COLEC10: variants seen among roughly 807,000 people sequenced by gnomAD.
The protein encoded by COLEC10 is collectin subfamily member 10.
In COLEC10, 22 loss-of-function variants were observed where a neutral mutation model predicts 28.4. The ratio of observed to expected loss-of-function variants is 0.78; its 90% CI spans 0.55 to 1.11. The LOEUF (loss-of-function observed/expected upper bound fraction) is 1.11. COLEC10 is among the 50% of genes least tolerant of loss of function. The pLI is 0.00. For synonymous variants in COLEC10, 125 were observed against 116.1 expected (o/e 1.08, Z -0.49); for missense variants, 361 against 344.1 (o/e 1.05, Z -0.39).
rs565193534 is a variant in COLEC10 at position 119,067,632 on chromosome 8, T to C, written c.148+203T>C. On this transcript the variant is annotated intron_variant, in intron 1 of 5. Coordinates refer to ENST00000332843, the MANE Select transcript of COLEC10 (RefSeq NM_006438.5). ...TCCTTTGATGTTAGGTAAGAGGATG[T>C]TGGGAAGGGGAAACCCAGGACGGAG... is the stretch of plus-strand genomic sequence containing the variant. 3.6e-5 allele frequency: 18 copies of C among 501,358 alleles called. No homozygotes were observed. In the East Asian group the frequency reaches 5.2e-4, roughly 14 times the overall value. 31.1% of individuals were successfully genotyped at this position (501,358 alleles called of 1,614,324 possible). A position where few individuals can be genotyped will look rare whatever the true frequency, so the allele number is the denominator to read the frequency against.
chr8:118,964,449 T>C, the COLEC10 span, among the ~76,000 whole-genome samples: 5 of 152,178 alleles, frequency 3.3e-5, no homozygotes, highest in African/African-American at 9.7e-5. Context: ...GTATCTTGCC[T>C]GTACAATTAG....
intron 2 of COLEC10, among the ~76,000 whole-genome samples, chr8:119,031,138 A>C (rs557349778): frequency 6.6e-6 from 1 of 152,260 alleles, no homozygotes; most frequent in African/African-American, 2.4e-5. Flanking sequence ...CTAAGGGTAC[A>C]TGGAGCTTTC....
At chr8:119,065,881 A>G (rs1814946156), upstream of COLEC10, among the ~76,000 whole-genome samples, 3 of 151,896 alleles carry the variant, frequency 2.0e-5, no homozygotes, top group South Asian at 6.2e-4. Context: ...AAAAGAAAAG[A>G]AAAAGAAAAA....
chr8:119,094,674 A>G (rs1815675457), intron 3 of COLEC10, among the ~76,000 whole-genome samples: 1 of 152,192 alleles, frequency 6.6e-6, no homozygotes, highest in South Asian at 2.1e-4. Context: ...TTGAGCAGAA[A>G]GTTGCTGAAA....
intron 1 of COLEC10, among the ~76,000 whole-genome samples, chr8:119,008,777 C>T (rs1236778285): frequency 2.0e-5 from 3 of 150,800 alleles, no homozygotes; most frequent in African/African-American, 7.4e-5. Context: ...CGGTTTTTGC[C>T]ATTAAAAGTA....
At chr8:119,048,893 T>A (rs2130171419) in intron 2 of COLEC10, among the ~76,000 whole-genome samples, 1 of 152,314 alleles carries the variant, frequency 6.6e-6, no homozygotes, top group Non-Finnish European at 1.5e-5. Flanking sequence ...CAGCTGGTTG[T>A]TATGCAGGCT....
At chr8:119,090,785 C>G (rs1815575187) in intron 2 of COLEC10, among the ~76,000 whole-genome samples, 1 of 152,016 alleles carries the variant, frequency 6.6e-6, no homozygotes, top group Admixed American at 6.6e-5. Context: ...AAATAGAATT[C>G]CAGAAGGAAG....
chr8:119,066,391 C>T (rs916869762), upstream of COLEC10, among the ~76,000 whole-genome samples: 7 of 152,194 alleles, frequency 4.6e-5, no homozygotes, highest in Admixed American at 1.3e-4. Context: ...ACATACTCTA[C>T]ATCTAAATCT....
the COLEC10 span, among the ~76,000 whole-genome samples, chr8:118,965,337 T>C: frequency 3.3e-5 from 5 of 152,204 alleles, no homozygotes; most frequent in Non-Finnish European, 5.9e-5. Context: ...CTTACGTTTT[T>C]CCCTAGTGGT....
chr8:119,101,901 C>T (rs763204185), intron 3 of COLEC10, among the ~76,000 whole-genome samples: 26 of 151,926 alleles, frequency 1.7e-4, no homozygotes, highest in Non-Finnish European at 1.8e-4. Context: ...ACAAATTGAT[C>T]GAGATTCACA....
At chr8:119,052,230 T>C (rs553991645) in intron 2 of COLEC10, among the ~76,000 whole-genome samples, 1 of 152,302 alleles carries the variant, frequency 6.6e-6, no homozygotes, top group South Asian at 2.1e-4. Flanking sequence ...TTCTGTAATT[T>C]TAGCTTGAGT....
chr8:119,051,651 T>C (rs1486540147), intron 2 of COLEC10, among the ~76,000 whole-genome samples: 1 of 152,146 alleles, frequency 6.6e-6, no homozygotes, highest in African/African-American at 2.4e-5. Flanking sequence ...AACCACGGCA[T>C]GAGGAAAGAA....
At chr8:118,984,721 A>G in the COLEC10 span, among the ~76,000 whole-genome samples, 1 of 152,120 alleles carries the variant, frequency 6.6e-6, no homozygotes, top group East Asian at 1.9e-4. Context: ...AGGAAAAGGA[A>G]AGGGAGGTAT....
At chr8:119,049,158 GT>G (rs994561432) in intron 2 of COLEC10, among the ~76,000 whole-genome samples, 1 of 152,004 alleles carries the variant, frequency 6.6e-6, no homozygotes, top group Non-Finnish European at 1.5e-5. Context: ...GCTAAAAATA[GT>G]CCCCCAATCT....
At chr8:119,055,174 T>C (rs1587024368) in intron 2 of COLEC10, among the ~76,000 whole-genome samples, 1 of 152,048 alleles carries the variant, frequency 6.6e-6, no homozygotes, top group Non-Finnish European at 1.5e-5. Flanking sequence ...CCTGATAGCC[T>C]TTCTTAACTT....
At chr8:119,003,425 C>T (rs1813735872) in intron 1 of COLEC10, among the ~76,000 whole-genome samples, 1 of 152,060 alleles carries the variant, frequency 6.6e-6, no homozygotes, top group Non-Finnish European at 1.5e-5. Flanking sequence ...AGAAGATGGA[C>T]ATCTATTTTT....
the COLEC10 span, among the ~76,000 whole-genome samples, chr8:118,954,818 C>T: frequency 6.6e-6 from 1 of 152,192 alleles, no homozygotes; most frequent in Non-Finnish European, 1.5e-5. Flanking sequence ...GGAGTTCCTA[C>T]AGGGAAGACA....
At position 119,049,401 on chromosome 8, in the gene COLEC10, C is replaced by CTTTTTTTTTTTT. The variant is rs34885340; in HGVS notation, n.235+39868_235+39879dup. 7.5e-4 allele frequency among the ~76,000 whole-genome samples: 45 copies of CTTTTTTTTTTTT among 60,070 alleles called. 11 individuals carry two copies. Among genetic ancestry groups the CTTTTTTTTTTTT allele is most frequent in the African/African-American group, 1.8e-3 (25 of 13,634 alleles). The allele number at this position is 60,070 out of a possible 152,430, so 39.4% of individuals were successfully genotyped here. A position where few individuals can be genotyped will look rare whatever the true frequency, so the allele number is the denominator to read the frequency against. On this transcript the variant is annotated intron_variant and non_coding_transcript_variant, in intron 2 of 6. Transcript: ENST00000521788. ...TGATGAAGCATAGGTATTTTCTTTT[C>CTTTTTTTTTTTT]TTTTTTTTTTTTTTTTTTTTTTTTT... is the stretch of plus-strand genomic sequence containing the variant.
intron 1 of COLEC10, among the ~76,000 whole-genome samples, chr8:119,006,984 T>C (rs181205375): frequency 1.3e-3 from 200 of 152,228 alleles, no homozygotes; most frequent in African/African-American, 4.5e-3. Flanking sequence ...ATAAACAATG[T>C]ATAAAACTCT....
Sources: gnomAD v4.1 joint callset for allele counts (sites outside exome capture counted in the v4.1 genomes callset) on GRCh38, gnomAD v4.1.1 for gene constraint, MANE v1.5 for transcripts, NCBI Gene and HGNC (gene_info 2026-07-23, HGNC 2026-07-21) for gene names.